Variants in BACH2 observed in about 807,000 individuals in gnomAD.
The protein encoded by BACH2 is BACH transcriptional regulator 2, also known as transcription regulator protein BACH2.
A neutral mutation model predicts 61.8 loss-of-function variants in BACH2; 5 were observed. The ratio of observed to expected loss-of-function variants is 0.08; its 90% CI spans 0.04 to 0.17. The LOEUF is 0.17. Ranked by LOEUF, BACH2 falls within the 10% of genes least tolerant of loss-of-function variation. The pLI, the probability that BACH2 is intolerant of heterozygous loss-of-function variation, is 1.00. For missense variants in BACH2, 824 were observed against 1,091.1 expected (o/e 0.76, Z 3.45); for synonymous variants, 446 against 440.1 (o/e 1.01, Z -0.17).
intron 4 of BACH2, among the ~76,000 whole-genome samples, chr6:90,181,678 C>T (rs1169150016): frequency 6.6e-6 from 1 of 152,150 alleles, no homozygotes; most frequent in East Asian, 1.9e-4. Context: ...ATCACCTGGG[C>T]TCAAGCAATC....
intron 6 of BACH2, among the ~76,000 whole-genome samples, chr6:89,990,804 T>C (rs541224202): frequency 2.7e-4 from 41 of 152,350 alleles, no homozygotes; most frequent in African/African-American, 9.9e-4. Context: ...TCCTGCTTAC[T>C]GTCTGTCATC....
chr6:90,013,761 G>A (rs1459868755), intron 5 of BACH2, among the ~76,000 whole-genome samples: 1 of 151,906 alleles, frequency 6.6e-6, no homozygotes, highest in Non-Finnish European at 1.5e-5. Context: ...CCCCGCCTTG[G>A]CCTCTGAAAG....
At chr6:90,123,755 G>A (rs1783733267) in intron 4 of BACH2, among the ~76,000 whole-genome samples, 1 of 118,020 alleles carries the variant, frequency 8.5e-6, no homozygotes, top group Non-Finnish European at 1.6e-5. Context: ...GGGCGACAGA[G>A]CGAGACTCCG....
Position 90,045,497 on chromosome 6 carries a change from C to G in BACH2, c.-12-36641G>C, listed in dbSNP as rs75199762. On this transcript the variant is annotated intron_variant, in intron 5 of 8. Transcript: ENST00000257749. ...CAAATACAACATCTGTAACACTGTACGTGCAACTTGTCATCTCTATTGAAG... is the reference window on the plus strand; with the variant it reads ...CAAATACAACATCTGTAACACTGTAGGTGCAACTTGTCATCTCTATTGAAG... Among the ~76,000 whole-genome samples the G allele has an allele frequency of 6.0e-3, 907 of 152,288 alleles. 53 individuals carry two copies. In the East Asian group the frequency reaches 0.14, roughly 23 times the overall value.
In BACH2 at chr6:90,005,374, C is replaced by T. The variant is rs116976324; in HGVS notation, c.243+3228G>A. On this transcript the variant is annotated intron_variant, in intron 6 of 8. Coordinates refer to ENST00000257749, the MANE Select transcript of BACH2 (RefSeq NM_021813.4). ...GGGCCAGAAGTTGATTCAAATTTGG[C>T]GATAGGATTATGATGAGGTTTAAAG... 9.8e-3 allele frequency among the ~76,000 whole-genome samples: 1,495 copies of T among 152,058 alleles called. 10 individuals are homozygous for T. The highest frequency in any genetic ancestry group is 0.017 in the Non-Finnish European group (1,185 of 67,978).
chr6:90,066,808 T>C (rs4707592), intron 5 of BACH2, among the ~76,000 whole-genome samples: 134,470 of 152,294 alleles, frequency 0.88, 59,606 homozygotes, highest in East Asian at 0.99. Flanking sequence ...CAACCAGGAA[T>C]TGTGAGTGAG....
At chr6:90,199,565 A>G (rs1356153468) in intron 4 of BACH2, among the ~76,000 whole-genome samples, 1 of 152,200 alleles carries the variant, frequency 6.6e-6, no homozygotes, top group African/African-American at 2.4e-5. Flanking sequence ...TTGCACTTCC[A>G]TACCTCTCAG....
At chr6:90,276,409 A>C (rs1771693292) in intron 1 of BACH2, among the ~76,000 whole-genome samples, 1 of 152,188 alleles carries the variant, frequency 6.6e-6, no homozygotes, top group Non-Finnish European at 1.5e-5. Flanking sequence ...CATAAAACAC[A>C]CACCTTTAAA....
chr6:90,247,433 T>C (rs1770675801), intron 3 of BACH2, among the ~76,000 whole-genome samples: 1 of 151,716 alleles, frequency 6.6e-6, no homozygotes, highest in African/African-American at 2.4e-5. Context: ...CTTGCTATGT[T>C]GCCCAGGCTG....
chr6:90,123,997 T>C (rs564300713), intron 4 of BACH2, among the ~76,000 whole-genome samples: 2 of 152,086 alleles, frequency 1.3e-5, no homozygotes, highest in African/African-American at 4.8e-5. Flanking sequence ...CTAGTGTGAG[T>C]CAGAGTCGCC....
chr6:89,970,957 C>T (rs984189557), intron 6 of BACH2, among the ~76,000 whole-genome samples: 2 of 152,086 alleles, frequency 1.3e-5, no homozygotes, highest in Non-Finnish European at 2.9e-5. Flanking sequence ...TTTTTAGGTG[C>T]AATAAAAAGG....
At chr6:90,274,373 T>G (rs1387682386) in intron 1 of BACH2, among the ~76,000 whole-genome samples, 5 of 152,162 alleles carry the variant, frequency 3.3e-5, no homozygotes, top group Non-Finnish European at 7.4e-5. Context: ...CACAAAGTAA[T>G]TGAAAAGACT....
At chr6:90,281,287 A>G (rs534748363) in intron 1 of BACH2, among the ~76,000 whole-genome samples, 1 of 152,278 alleles carries the variant, frequency 6.6e-6, no homozygotes, top group African/African-American at 2.4e-5. Context: ...ACTAAAATGT[A>G]GCAATTTACA....
At chr6:90,140,378 G>A (rs1040839407) in intron 4 of BACH2, among the ~76,000 whole-genome samples, 3 of 152,080 alleles carry the variant, frequency 2.0e-5, no homozygotes, top group Non-Finnish European at 4.4e-5. Context: ...TTCTGAGGCT[G>A]TATAATGGGA....
chr6:90,128,117 T>C (rs1783934153), intron 4 of BACH2, among the ~76,000 whole-genome samples: 1 of 152,198 alleles, frequency 6.6e-6, no homozygotes, highest in African/African-American at 2.4e-5. Context: ...TCCTGGCCTA[T>C]GCTTCTCCTT....
At chr6:89,949,242 T>G (rs1384402075) in intron 7 of BACH2, among the ~76,000 whole-genome samples, 2 of 152,160 alleles carry the variant, frequency 1.3e-5, no homozygotes, top group Non-Finnish European at 2.9e-5. Flanking sequence ...TTTCTTCCTG[T>G]GTTTTTGGGA....
At chr6:90,131,055 T>C (rs1254738613) in intron 4 of BACH2, among the ~76,000 whole-genome samples, 1 of 152,162 alleles carries the variant, frequency 6.6e-6, no homozygotes, top group Non-Finnish European at 1.5e-5. Flanking sequence ...AGATTGACTT[T>C]CACATCAGTA....
chr6:90,133,777 T>C (rs955075091), intron 4 of BACH2, among the ~76,000 whole-genome samples: 2 of 151,896 alleles, frequency 1.3e-5, no homozygotes, highest in East Asian at 3.9e-4. Flanking sequence ...CACCTATGAG[T>C]GAGAACATGC....
intron 4 of BACH2, among the ~76,000 whole-genome samples, chr6:90,184,228 C>T (rs924588715): frequency 6.6e-6 from 1 of 152,192 alleles, no homozygotes. Context: ...GAAACATGCT[C>T]AGTGGAGATA....
Sources: gnomAD v4.1 joint callset for allele counts (sites outside exome capture counted in the v4.1 genomes callset) on GRCh38, gnomAD v4.1.1 for gene constraint, MANE v1.5 for transcripts, NCBI Gene and HGNC (gene_info 2026-07-23, HGNC 2026-07-21) for gene names.